The following TAFA5 variants were observed in gnomAD, a reference collection of about 807,000 sequenced individuals.
The protein encoded by TAFA5 is TAFA chemokine like family member 5.
TAFA5 carries 6 observed loss-of-function variants against 15.3 expected under a neutral mutation model. That is an observed-to-expected ratio of 0.39 (90% CI 0.21 to 0.77). The LOEUF is 0.77. Among genes scored for constraint, TAFA5 ranks in the 30% least tolerant of loss-of-function variants. The pLI, the probability that TAFA5 is intolerant of heterozygous loss-of-function variation, is 0.41. For synonymous variants in TAFA5, 103 were observed against 80.7 expected (o/e 1.28, Z -1.48); for missense variants, 161 against 193.1 (o/e 0.83, Z 0.98).
rs145330434 is a variant in TAFA5 at position 48,740,711 on chromosome 22, G to A, written c.391-9128G>A. Among the ~76,000 whole-genome samples the A allele has an allele frequency of 2.8e-3, 419 of 152,314 alleles. 7 individuals carry two copies. The highest frequency in any genetic ancestry group is 0.021 in the East Asian group (110 of 5,168). Reference sequence around the variant, plus strand: ...CCACCCCTGATGGAGATTCACACACGAGAGCCCAGCCCTGGTGTTGGGGGC... The same window carrying A: ...CCACCCCTGATGGAGATTCACACACAAGAGCCCAGCCCTGGTGTTGGGGGC... On this transcript the variant is annotated intron_variant, in intron 3 of 3. Transcript: ENST00000402357.
chr22:48,708,173 G>A (rs901900205), intron 3 of TAFA5, among the ~76,000 whole-genome samples: 6 of 152,306 alleles, frequency 3.9e-5, no homozygotes, highest in Admixed American at 2.0e-4. Context: ...TGATGTGCCC[G>A]TGATTTTGCA....
intron 3 of TAFA5, among the ~76,000 whole-genome samples, chr22:48,744,691 C>A (rs1209032790): frequency 1.3e-5 from 2 of 152,188 alleles, no homozygotes; most frequent in East Asian, 1.9e-4. Flanking sequence ...TTCCAGAGCA[C>A]CTTTACGAAC....
At chr22:48,505,596 C>T (rs1920986524) in intron 1 of TAFA5, among the ~76,000 whole-genome samples, 1 of 152,242 alleles carries the variant, frequency 6.6e-6, no homozygotes, top group South Asian at 2.1e-4. Context: ...CATCAGCCTA[C>T]AGCTTTGTCC....
chr22:48,607,258 AC>A (rs1925225515), intron 1 of TAFA5, among the ~76,000 whole-genome samples: 1 of 142,852 alleles, frequency 7.0e-6, no homozygotes, highest in Non-Finnish European at 1.5e-5. Context: ...GGCCTGGCCC[AC>A]CCATCCCAGG....
chr22:48,652,695 G>A (rs1187061310), intron 2 of TAFA5, among the ~76,000 whole-genome samples: 1 of 152,218 alleles, frequency 6.6e-6, no homozygotes, highest in East Asian at 1.9e-4. Flanking sequence ...GCTCTGGGCT[G>A]TTTACTGGGC....
chr22:48,544,742 G>A (rs1006030914), intron 1 of TAFA5: 3 of 471,154 alleles, frequency 6.4e-6, no homozygotes, highest in Admixed American at 2.3e-5. Context: ...ACTCCGGGCT[G>A]CGGGGAGGCT....
intron 1 of TAFA5, among the ~76,000 whole-genome samples, chr22:48,494,475 C>T (rs190393118): frequency 6.6e-6 from 1 of 152,282 alleles, no homozygotes; most frequent in African/African-American, 2.4e-5. Flanking sequence ...GTGTGGAAAG[C>T]CCTGTAGATT....
In TAFA5 at chr22:48,552,126, C is replaced by T. The variant is rs1303327141; in HGVS notation, c.112+62422C>T. On this transcript the variant is annotated intron_variant, in intron 1 of 3. Coordinates refer to ENST00000402357, the MANE Select transcript of TAFA5 (RefSeq NM_001082967.3). The surrounding 1 kb of genome is among the most constrained non-coding windows in gnomAD (Gnocchi z 4.1). ...TGCAGCCTGTGCACTGTGAGCCCTC[C>T]TTGTGTGGGCTCCCGGGGACCACCA... is the stretch of plus-strand genomic sequence containing the variant. Among the ~76,000 whole-genome samples the T allele has an allele frequency of 6.6e-6, 1 of 152,200 alleles. No homozygotes were observed. The highest frequency in any genetic ancestry group is 1.9e-4 in the East Asian group (1 of 5,196).
intron 1 of TAFA5, among the ~76,000 whole-genome samples, chr22:48,513,355 C>T (rs754244914): frequency 6.6e-6 from 1 of 152,224 alleles, no homozygotes; most frequent in Admixed American, 6.5e-5. Flanking sequence ...GCCTCAGTTT[C>T]CAAGACCCTC....
At chr22:48,565,141 C>T (rs550515531) in intron 1 of TAFA5, among the ~76,000 whole-genome samples, 6 of 152,346 alleles carry the variant, frequency 3.9e-5, no homozygotes, top group Non-Finnish European at 7.4e-5. Flanking sequence ...CGGGAGCGGA[C>T]TCCCTGCCAT....
chr22:48,654,874 CA>C (rs1321998689), intron 2 of TAFA5, among the ~76,000 whole-genome samples: 1 of 151,946 alleles, frequency 6.6e-6, no homozygotes, highest in Non-Finnish European at 1.5e-5. Context: ...AAGCAGGGAG[CA>C]ACCTCCTTAT....
At chr22:48,715,470 G>T (rs1329431051) in intron 3 of TAFA5, among the ~76,000 whole-genome samples, 4 of 152,120 alleles carry the variant, frequency 2.6e-5, no homozygotes, top group Non-Finnish European at 4.4e-5. Flanking sequence ...GAGGCTGGGG[G>T]TGGGGCGGGG....
At chr22:48,694,658 C>T (rs1157827233) in intron 2 of TAFA5, among the ~76,000 whole-genome samples, 2 of 152,134 alleles carry the variant, frequency 1.3e-5, no homozygotes, top group Non-Finnish European at 2.9e-5. Context: ...CGGGCAGTGC[C>T]TCATCTGATG....
intron 1 of TAFA5, among the ~76,000 whole-genome samples, chr22:48,615,168 G>A (rs373761095): frequency 6.6e-6 from 1 of 152,160 alleles, no homozygotes; most frequent in African/African-American, 2.4e-5. Flanking sequence ...GGGTGGACAG[G>A]TATGTGTCTC....
rs150895101 is a variant in TAFA5, at chr22:48,711,948, C to T, written c.390+4104C>T. Among the ~76,000 whole-genome samples the T allele has an allele frequency of 3.5e-3, 529 of 152,390 alleles. 1 individual carries two copies. The highest frequency in any genetic ancestry group is 5.6e-3 in the Non-Finnish European group (381 of 68,046). On this transcript the variant is annotated intron_variant, in intron 3 of 3. Transcript: ENST00000402357. ...ACGGGCGCTGGGCCTAAGGGTGCTG[C>T]TGCCCCGTCCCCTTGCAATGCCTGC...
At chr22:48,518,925 T>C (rs1246447336) in intron 1 of TAFA5, among the ~76,000 whole-genome samples, 1 of 151,990 alleles carries the variant, frequency 6.6e-6, no homozygotes, top group Admixed American at 6.6e-5. Flanking sequence ...CTTCCTGGGG[T>C]GACCAGGCGG....
rs1409748496 is a variant in TAFA5, at chr22:48,490,317, G to A, written c.112+613G>A. Reference sequence around the variant, plus strand: ...CGCGGCCGCGGACGTTTCTCGGGTCGTGTCTGGGGCCCGAGCTGGTGACCG... The same window carrying A: ...CGCGGCCGCGGACGTTTCTCGGGTCATGTCTGGGGCCCGAGCTGGTGACCG... On this transcript the variant is annotated intron_variant, in intron 1 of 3. Transcript: ENST00000402357. This position sits in a 1 kb window ranked among gnomAD's most constrained non-coding sequence, Gnocchi z 5.8. Among the ~76,000 whole-genome samples, 2 of 152,060 alleles carry A rather than the reference G, an allele frequency of 1.3e-5. No homozygotes were observed. The highest frequency in any genetic ancestry group is 4.8e-5 in the African/African-American group (2 of 41,438).
chr22:48,619,810 C>T (rs1569050535), intron 1 of TAFA5, among the ~76,000 whole-genome samples: 1 of 152,238 alleles, frequency 6.6e-6, no homozygotes, highest in Non-Finnish European at 1.5e-5. Context: ...TCTGGAGCGG[C>T]ATGCTGGGGT....
At chr22:48,666,894 T>C (rs5771923) in intron 2 of TAFA5, among the ~76,000 whole-genome samples, 146,503 of 152,062 alleles carry the variant, frequency 0.96, 70,609 homozygotes, top group East Asian at 1. Flanking sequence ...GCCTCCTTCA[T>C]CCCCATGGTG....
Sources: gnomAD v4.1 joint callset for allele counts (sites outside exome capture counted in the v4.1 genomes callset) on GRCh38, gnomAD v4.1.1 for gene constraint, Gnocchi (gnomAD v3.1) non-coding constraint, MANE v1.5 for transcripts, NCBI Gene and HGNC (gene_info 2026-07-23, HGNC 2026-07-21) for gene names.